DNAJC2: variants seen among roughly 807,000 people sequenced by gnomAD.
DNAJC2 encodes DnaJ heat shock protein family (Hsp40) member C2, also known as dnaJ homolog subfamily C member 2.
DNAJC2 carries 32 observed loss-of-function variants against 94.0 expected under a neutral mutation model. The ratio of observed to expected loss-of-function variants is 0.34; its 90% CI spans 0.26 to 0.46. The LOEUF is 0.46. Ranked by LOEUF, DNAJC2 falls within the 20% of genes least tolerant of loss-of-function variation. The pLI is 1.00. For synonymous variants in DNAJC2, 210 were observed against 229.7 expected (o/e 0.91, Z 0.77); for missense variants, 550 against 719.5 (o/e 0.76, Z 2.69).
intron 14 of DNAJC2, 36 bp from the exon 15 acceptor site, chr7:103,315,907 A>G: frequency 6.5e-7 from 1 of 1,542,156 alleles, no homozygotes. Flanking sequence ...TTAACAGATC[A>G]TCATTTAATC....
intron 5 of DNAJC2, 66 bp from the exon 6 acceptor site, chr7:103,324,628 TTTAA>T (rs1363153206): frequency 1.6e-6 from 2 of 1,253,184 alleles, no homozygotes; most frequent in Admixed American, 6.1e-5. Context: ...CAACAAACAA[TTTAA>T]TTTATTAAAA....
chr7:103,339,691 T>C (rs1180368390), intron 2 of DNAJC2, among the ~76,000 whole-genome samples: 1 of 151,702 alleles, frequency 6.6e-6, no homozygotes, highest in African/African-American at 2.4e-5. Context: ...AATCTCCACC[T>C]CCCAGGTTCA....
chr7:103,320,869 TG>T (rs1192701223), intron 10 of DNAJC2: 2 of 180,780 alleles, frequency 1.1e-5, no homozygotes, highest in Non-Finnish European at 2.2e-5. Context: ...GACTCTGTCT[TG>T]TTTAGTTACA....
chr7:103,330,492 G>A (rs1452012008), intron 3 of DNAJC2, among the ~76,000 whole-genome samples: 1 of 151,858 alleles, frequency 6.6e-6, no homozygotes, highest in South Asian at 2.1e-4. Flanking sequence ...TGCTCTTGTT[G>A]CCCAGGCTGG....
intron 2 of DNAJC2, among the ~76,000 whole-genome samples, chr7:103,340,282 C>T (rs192731574): frequency 3.9e-5 from 6 of 152,212 alleles, no homozygotes; most frequent in Admixed American, 2.6e-4. Context: ...GCTGTTTTTC[C>T]TCCTCTTCCT....
At chr7:103,323,088 C>G (rs1818509423) in intron 7 of DNAJC2, among the ~76,000 whole-genome samples, 1 of 152,092 alleles carries the variant, frequency 6.6e-6, no homozygotes, top group Admixed American at 6.6e-5. Context: ...TGTCACCATG[C>G]CTGGCTACTT....
rs777503961 is a variant in DNAJC2 at position 103,327,688 on chromosome 7, CCTT to C, written c.395_397del (p.Glu132del). On this transcript the variant is annotated inframe_deletion, in exon 4 of 17. Transcript: ENST00000379263. The stretch of plus-strand genomic sequence containing the variant: ...TATGCAAGTGAAGTAGTCATTATCT[CCTT>C]CTTTTATTGGTTCACCAGCTGCTTT... 20 of 1,612,220 alleles carry C rather than the reference CCTT, an allele frequency of 1.2e-5. No homozygotes were observed. Among genetic ancestry groups the C allele is most frequent in the East Asian group, 2.2e-5 (1 of 44,828 alleles).
At chr7:103,320,590 C>T (rs1337951263) in intron 10 of DNAJC2, among the ~76,000 whole-genome samples, 1 of 151,228 alleles carries the variant, frequency 6.6e-6, no homozygotes, top group African/African-American at 2.4e-5. Context: ...GAAACCCCGT[C>T]TCTACTAAAA....
chr7:103,317,102 A>C (rs1041845578), intron 12 of DNAJC2, 88 bp from the exon 13 acceptor site: 3 of 1,145,858 alleles, frequency 2.6e-6, no homozygotes, highest in Middle Eastern at 2.1e-4. Context: ...GTGGTCCTCA[A>C]CTCTCAATGT....
Position 103,344,569 on chromosome 7 carries a change from A to T in DNAJC2, c.54T>A (p.Ala18=). 1 of 1,613,658 alleles carries T rather than the reference A, an allele frequency of 6.2e-7. No homozygotes were observed. Among genetic ancestry groups the T allele is most frequent in the South Asian group, 1.1e-5 (1 of 91,072 alleles). ...TGGGTGGGCACTTACCAGAGGTCAG[A>T]GCGTGGGTGATGGCGGTGCCCCGGC... ...ADGRGTAITH[A]LTSASTLCQV... The change falls in exon 1 of 17, where the codon GCT becomes GCA. Residue 18 remains alanine (A), a synonymous_variant. Transcript: ENST00000379263.
chr7:103,323,714 A>G, intron 6 of DNAJC2, 51 bp from the exon 7 acceptor site: 1 of 1,256,610 alleles, frequency 8.0e-7, no homozygotes, highest in Non-Finnish European at 1.1e-6. Context: ...ATGAAAAAAA[A>G]TTCTTTTTAA....
chr7:103,324,565 G>T lies in DNAJC2; in HGVS notation c.573-3C>A. 6.9e-7 allele frequency: 1 copy of T among 1,456,144 alleles called. No homozygotes were observed. Among genetic ancestry groups the T allele is most frequent in the Non-Finnish European group, 9.2e-7 (1 of 1,086,150 alleles). The allele number at this position is 1,456,144 out of a possible 1,614,324, so 90.2% of individuals were successfully genotyped here. A position where few individuals can be genotyped will look rare whatever the true frequency, so the allele number is the denominator to read the frequency against. On this transcript the variant is annotated splice_polypyrimidine_tract_variant and splice_region_variant and intron_variant, in intron 5 of 16. Transcript: ENST00000379263. ...GAACATTTTTTTTATTTGACCATCT[G>T]AAATATCAAAGGAAATATTCTTACA... is the stretch of plus-strand genomic sequence containing the variant.
chr7:103,336,835 T>C (rs1819193312), intron 3 of DNAJC2: 1 of 152,240 alleles, frequency 6.6e-6, no homozygotes. Flanking sequence ...TAAAAAATAT[T>C]TCCTGTGATT....
intron 1 of DNAJC2, among the ~76,000 whole-genome samples, chr7:103,343,148 C>T (rs753633601): frequency 2.0e-5 from 3 of 151,878 alleles, no homozygotes; most frequent in Non-Finnish European, 4.4e-5. Flanking sequence ...TATAGGCGCC[C>T]GCCACCACGC....
chr7:103,341,118 A>C (rs1819357946), intron 2 of DNAJC2, among the ~76,000 whole-genome samples: 1 of 152,174 alleles, frequency 6.6e-6, no homozygotes, highest in Non-Finnish European at 1.5e-5. Flanking sequence ...AAACCCAGCC[A>C]CATAGTAAGT....
intron 12 of DNAJC2, among the ~76,000 whole-genome samples, chr7:103,318,712 A>G (rs948583948): frequency 6.6e-6 from 1 of 152,236 alleles, no homozygotes; most frequent in Non-Finnish European, 1.5e-5. Flanking sequence ...CTGTAAAATA[A>G]AAGGTATAGA....
At chr7:103,327,875 A>AAT in intron 3 of DNAJC2, 121 bp from the exon 4 acceptor site, 2 of 588,478 alleles carry the variant, frequency 3.4e-6, no homozygotes, top group East Asian at 5.8e-5. Flanking sequence ...CCCACAGTAA[A>AAT]ATATATGCTT....
chr7:103,344,705 T>C lies in DNAJC2; in HGVS notation c.-83A>G, dbSNP rs1819537986. ...TTAGGGTCCCCTCCAGCTCTACCTCTCACTCCGAGCCTCGCGCCTTGGCTC... is the reference window on the plus strand; with the variant it reads ...TTAGGGTCCCCTCCAGCTCTACCTCCCACTCCGAGCCTCGCGCCTTGGCTC... On this transcript the variant is annotated 5_prime_UTR_variant, in exon 1 of 17. Coordinates refer to ENST00000379263, the MANE Select transcript of DNAJC2 (RefSeq NM_014377.3). The C allele has an allele frequency of 5.6e-6, 8 of 1,437,056 alleles. No homozygotes were observed. The South Asian group carries it at 9.2e-5, about 16-fold the overall frequency. 89.0% of individuals were successfully genotyped at this position (1,437,056 alleles called of 1,614,324 possible). A position where few individuals can be genotyped will look rare whatever the true frequency, so the allele number is the denominator to read the frequency against.
chr7:103,314,092 G>A (rs1817911178), intron 15 of DNAJC2: 5 of 985,370 alleles, frequency 5.1e-6, no homozygotes, highest in Non-Finnish European at 6.0e-6. Flanking sequence ...TATAATATTT[G>A]ATGGTACCTA....
Sources: allele counts gnomAD v4.1 joint callset (sites outside exome capture counted in the v4.1 genomes callset), GRCh38; gene constraint gnomAD v4.1.1; transcripts MANE v1.5; gene names NCBI Gene and HGNC (gene_info 2026-07-23, HGNC 2026-07-21).